METTL6: variants seen among roughly 807,000 people sequenced by gnomAD.
METTL6 encodes methyltransferase 6, tRNA N3-cytidine.
METTL6 carries 22 observed loss-of-function variants against 26.4 expected under a neutral mutation model. That is an observed-to-expected ratio of 0.83 (90% confidence interval 0.59 to 1.19). METTL6 has a LOEUF of 1.19. Among genes scored for constraint, METTL6 ranks in the 50% most tolerant of loss-of-function variants. The probability of loss-of-function intolerance (pLI) is 0.00; values close to 1 mark genes in which losing one functional copy is unlikely to be tolerated. For synonymous variants in METTL6, 109 were observed against 116.2 expected (o/e 0.94, Z 0.40); for missense variants, 304 against 324.8 (o/e 0.94, Z 0.49).
chr3:15,406,024 C>T (rs6442523), downstream of METTL6, among the ~76,000 whole-genome samples: 20,227 of 151,566 alleles, frequency 0.13, 2,549 homozygotes, highest in African/African-American at 0.34. Flanking sequence ...TATATATATA[C>T]ACACGCACAC....
At chr3:15,394,955 G>T (rs1280417341) in intron 6 of METTL6, among the ~76,000 whole-genome samples, 1 of 152,264 alleles carries the variant, frequency 6.6e-6, no homozygotes, top group Non-Finnish European at 1.5e-5. Context: ...GTGGTGTGGT[G>T]CTGAAAAGAA....
chr3:15,390,963 A>T (rs1699328667), intron 6 of METTL6, among the ~76,000 whole-genome samples: 1 of 152,148 alleles, frequency 6.6e-6, no homozygotes, highest in South Asian at 2.1e-4. Flanking sequence ...GGGCGATCAA[A>T]GTGGCTCTCA....
At chr3:15,425,209 GAACT>G in intron 2 of METTL6, 120 bp from the exon 3 acceptor site, 1 of 1,031,152 alleles carries the variant, frequency 9.7e-7, no homozygotes, top group Non-Finnish European at 1.4e-6. Flanking sequence ...ATCAACAAGA[GAACT>G]AATAAGCAAA....
intron 4 of METTL6, 185 bp from the exon 5 acceptor site, chr3:15,414,347 T>A: frequency 3.0e-6 from 4 of 1,331,178 alleles, no homozygotes; most frequent in East Asian, 6.1e-5. Context: ...TCCATAACAC[T>A]AAGACACTTC....
At chr3:15,419,809 G>C (rs982802414) in intron 3 of METTL6, among the ~76,000 whole-genome samples, 3 of 149,562 alleles carry the variant, frequency 2.0e-5, no homozygotes, top group African/African-American at 2.5e-5. Context: ...CTATTTGTAA[G>C]AGCAAAAAAA....
intron 6 of METTL6, among the ~76,000 whole-genome samples, chr3:15,396,146 T>C (rs1300354859): frequency 1.3e-5 from 2 of 152,224 alleles, no homozygotes; most frequent in Non-Finnish European, 2.9e-5. Flanking sequence ...CAAACGTAGA[T>C]TTGGTCTTTT....
chr3:15,421,467 G>T (rs1415928359), intron 3 of METTL6, among the ~76,000 whole-genome samples: 1 of 152,070 alleles, frequency 6.6e-6, no homozygotes, highest in African/African-American at 2.4e-5. Flanking sequence ...AAAGGGTTTG[G>T]GTTTTGTTAT....
In METTL6 at chr3:15,423,985, T is replaced by C. The variant is rs564956751; in HGVS notation, c.360+970A>G. On this transcript the variant is annotated intron_variant, in intron 3 of 5. Transcript: ENST00000383790. ...ATTTTGGGAGGCTGAGGCAGGTTGA[T>C]CACCTGAGCCCAGGAGTTTGAGACC... 4.9e-4 allele frequency among the ~76,000 whole-genome samples: 75 copies of C among 152,228 alleles called. No individual in the cohort carries two copies. The South Asian group carries it at 0.015, about 30-fold the overall frequency.
downstream of METTL6, among the ~76,000 whole-genome samples, chr3:15,406,629 TAGAGAGAGAG>T (rs1211289541): frequency 9.7e-5 from 2 of 20,714 alleles, no homozygotes; most frequent in Non-Finnish European, 1.6e-4. Context: ...TATATATATA[TAGAGAGAGAG>T]AGAGAGAGAG....
In METTL6 at chr3:15,411,369, T is replaced by G. The variant is rs1324110037; in HGVS notation, c.742A>C (p.Thr248Pro). 6.2e-7 allele frequency: 1 copy of G among 1,614,042 alleles called. No individual in the cohort carries two copies. The highest frequency in any genetic ancestry group is 1.3e-5 in the African/African-American group (1 of 74,938). ...CACAGGCCTTCTTTTTTATTCACCG[T>G]CTCTCGAAACACATACTCGTTTACC... is the stretch of plus-strand genomic sequence containing the variant. Reference protein sequence around the residue: ...EVVNEYVFRETVNKKEGLCVP... With the variant: ...EVVNEYVFREPVNKKEGLCVP... Residue 248 changes from threonine to proline, a missense_variant, in exon 6 of 6, where the codon ACG (threonine) becomes CCG (proline). Physicochemically the swap from Thr to Pro is conservative, Grantham distance 38 (BLOSUM62 -1). Transcript: ENST00000383790.
At chr3:15,384,352 A>G (rs1265359093) in intron 6 of METTL6, 1 of 200,238 alleles carries the variant, frequency 5.0e-6, no homozygotes, top group Non-Finnish European at 1.0e-5. Flanking sequence ...GGGTCACCAC[A>G]CATCTGAGAA....
At chr3:15,399,295 C>T (rs1014118954) in intron 6 of METTL6, 1 of 151,234 alleles carries the variant, frequency 6.6e-6, no homozygotes, top group Non-Finnish European at 1.5e-5. Context: ...AGCCAACTAG[C>T]AGCCCTCAGG....
chr3:15,383,006 A>G (rs892029013), exon 7 of METTL6: 7 of 152,318 alleles, frequency 4.6e-5, no homozygotes, highest in African/African-American at 1.7e-4. Flanking sequence ...GATGTTGACC[A>G]AAGGGCACAC....
rs1406035115 is a variant in METTL6, at chr3:15,411,211, A to G, written c.*45T>C. 1 of 1,574,686 alleles carries G rather than the reference A, an allele frequency of 6.4e-7. No individual in the cohort carries two copies. Among genetic ancestry groups the G allele is most frequent in the Non-Finnish European group, 8.6e-7 (1 of 1,162,140 alleles). On this transcript the variant is annotated 3_prime_UTR_variant, in exon 6 of 6. Coordinates refer to ENST00000383790, the MANE Select transcript of METTL6 (RefSeq NM_152396.4). ...CACCCAGACGAAAGAGTGATTTTAA[A>G]TTTTCCTCTTCAAGGGAAGGTATAA... is the stretch of plus-strand genomic sequence containing the variant.
At position 15,426,305 on chromosome 3, in the gene METTL6, C is replaced by T. The variant is rs1227388966; in HGVS notation, c.207G>A (p.Glu69=). The change falls in exon 2 of 6, where the codon GAG becomes GAA. Residue 69 remains glutamate, a synonymous_variant. Transcript: ENST00000383790. ...AGCTTACCTCTCTACATGATCTTAG[C>T]TCCTCAAACTCTCTGGTGGTCCAGT... The part of the protein sequence containing the change: ...DRHWTTREFE[E]LRSCREFEDQ... 4.3e-6 allele frequency: 7 copies of T among 1,614,016 alleles called. No homozygotes were observed. The highest frequency in any genetic ancestry group is 1.3e-5 in the African/African-American group (1 of 74,928).
intron 6 of METTL6, among the ~76,000 whole-genome samples, chr3:15,399,731 A>G (rs138446077): frequency 6.6e-6 from 1 of 152,238 alleles, no homozygotes; most frequent in East Asian, 1.9e-4. Context: ...GTGCAGCCCA[A>G]AAGGTGAAAA....
intron 6 of METTL6, among the ~76,000 whole-genome samples, chr3:15,393,012 A>AT (rs1461039737): frequency 7.2e-5 from 11 of 152,052 alleles, no homozygotes; most frequent in Non-Finnish European, 1.2e-4. Context: ...ACTTTAAAGT[A>AT]TTTTTTTCCA....
intron 6 of METTL6, among the ~76,000 whole-genome samples, chr3:15,400,432 C>T (rs1050170635): frequency 7.2e-5 from 11 of 152,128 alleles, no homozygotes; most frequent in African/African-American, 2.7e-4. Context: ...TGTCTACTGT[C>T]AAGTTTATTC....
intron 5 of METTL6, among the ~76,000 whole-genome samples, chr3:15,413,244 T>A (rs1700048800): frequency 6.6e-6 from 1 of 150,902 alleles, no homozygotes. Flanking sequence ...CAAAAATAAA[T>A]AAATGCCTCT....
Sources: allele counts gnomAD v4.1 joint callset (sites outside exome capture counted in the v4.1 genomes callset), GRCh38; gene constraint gnomAD v4.1.1; transcripts MANE v1.5; gene names NCBI Gene and HGNC (gene_info 2026-07-23, HGNC 2026-07-21).